Variants in NUP107 observed in about 807,000 individuals in gnomAD.
NUP107 encodes the protein nuclear pore complex protein Nup107.
NUP107 carries 101 observed loss-of-function variants against 141.0 expected under a neutral mutation model. The observed-to-expected ratio is 0.72, with a 90% CI of 0.61 to 0.84. The LOEUF is 0.84. Ranked by LOEUF, NUP107 falls within the 40% of genes least tolerant of loss-of-function variation. The pLI, the probability that NUP107 is intolerant of heterozygous loss-of-function variation, is 0.00. For missense variants in NUP107, 941 were observed against 1,102.7 expected (o/e 0.85, Z 2.08); for synonymous variants, 319 against 363.9 (o/e 0.88, Z 1.41).
intron 26 of NUP107, among the ~76,000 whole-genome samples, chr12:68,737,307 G>A (rs1399486963): frequency 6.6e-6 from 1 of 152,148 alleles, no homozygotes; most frequent in Non-Finnish European, 1.5e-5. Context: ...GCTCACGCCT[G>A]TACTCCTAGC....
intron 22 of NUP107, 98 bp from the exon 23 acceptor site, chr12:68,732,539 T>C (rs1221578431): frequency 1.8e-6 from 1 of 570,630 alleles, no homozygotes; most frequent in Non-Finnish European, 3.0e-6. Flanking sequence ...TGATGTTTAC[T>C]GGAAGTACAG....
At chr12:68,689,779 G>T in intron 3 of NUP107, 160 bp downstream of exon 3, 1 of 565,964 alleles carries the variant, frequency 1.8e-6, no homozygotes. Context: ...CCATGTACAA[G>T]GTACTGTACT....
chr12:68,736,776 G>A (rs1404619818), intron 26 of NUP107, among the ~76,000 whole-genome samples: 3 of 144,332 alleles, frequency 2.1e-5, no homozygotes, highest in African/African-American at 7.8e-5. Flanking sequence ...AGGCTGGAGT[G>A]CAATGGCACA....
At chr12:68,711,581 A>G (rs942945563) in intron 10 of NUP107, among the ~76,000 whole-genome samples, 2 of 151,876 alleles carry the variant, frequency 1.3e-5, no homozygotes, top group African/African-American at 4.8e-5. Flanking sequence ...TACGACAGGG[A>G]GTCCTACTTT....
Position 68,721,165 on chromosome 12 carries a change from G to T in NUP107, c.1299G>T (p.Gly433=). The T allele has an allele frequency of 1.2e-6, 2 of 1,606,854 alleles. No individual in the cohort carries two copies. Among genetic ancestry groups the T allele is most frequent in the South Asian group, 1.1e-5 (1 of 90,404 alleles). Residue 433 remains glycine, a synonymous_variant, in exon 15 of 28, where the codon GGG becomes GGT. Coordinates refer to ENST00000229179, the MANE Select transcript of NUP107 (RefSeq NM_020401.4). ...YERAIYAALS[G]NLKQLLPVCD... Reference sequence around the variant, plus strand: ...GAGCAATTTATGCAGCTTTAAGTGGGAATCTTAAGCAGGTATGCAATCTGT... The same window carrying T: ...GAGCAATTTATGCAGCTTTAAGTGGTAATCTTAAGCAGGTATGCAATCTGT...
At chr12:68,727,019 G>T (rs1416822543) in intron 19 of NUP107, among the ~76,000 whole-genome samples, 1 of 152,188 alleles carries the variant, frequency 6.6e-6, no homozygotes, top group Non-Finnish European at 1.5e-5. Context: ...TGATACAGTA[G>T]TTGAAAGCTT....
chr12:68,721,169 C>A lies in NUP107; in HGVS notation c.1303C>A (p.Leu435Ile). Residue 435 changes from leucine (L) to isoleucine (I), a missense_variant, in exon 15 of 28, where the codon CTT becomes ATT. Transcript: ENST00000229179. ...RAIYAALSGNLKQLLPVCDTW... is the reference protein window; with the variant it reads ...RAIYAALSGNIKQLLPVCDTW... ...AATTTATGCAGCTTTAAGTGGGAATCTTAAGCAGGTATGCAATCTGTTTTA... is the reference window on the plus strand; with the variant it reads ...AATTTATGCAGCTTTAAGTGGGAATATTAAGCAGGTATGCAATCTGTTTTA... 6.2e-7 allele frequency: 1 copy of A among 1,605,566 alleles called. No homozygotes were observed. Among genetic ancestry groups the A allele is most frequent in the Non-Finnish European group, 8.5e-7 (1 of 1,173,720 alleles).
intron 26 of NUP107, among the ~76,000 whole-genome samples, chr12:68,738,922 C>A (rs976310857): frequency 6.6e-6 from 1 of 152,060 alleles, no homozygotes; most frequent in Admixed American, 6.6e-5. Flanking sequence ...GGAATAAAAT[C>A]TTTCTTTTCT....
intron 10 of NUP107, among the ~76,000 whole-genome samples, chr12:68,712,241 G>A (rs905618475): frequency 6.6e-6 from 1 of 151,954 alleles, no homozygotes; most frequent in Non-Finnish European, 1.5e-5. Flanking sequence ...CTAGCACTTT[G>A]GGAGGCCAAG....
At chr12:68,739,476 G>A (rs909331603) in intron 26 of NUP107, among the ~76,000 whole-genome samples, 1 of 152,180 alleles carries the variant, frequency 6.6e-6, no homozygotes, top group Admixed American at 6.5e-5. Context: ...ATTAGGAATA[G>A]CTGTAATATC....
chr12:68,729,241 G>T (rs1469465479), intron 20 of NUP107, among the ~76,000 whole-genome samples: 1 of 152,102 alleles, frequency 6.6e-6, no homozygotes, highest in Non-Finnish European at 1.5e-5. Context: ...ACAGTTAGTT[G>T]TATGCAGTTA....
chr12:68,696,044 T>G (rs900559752), intron 5 of NUP107, among the ~76,000 whole-genome samples: 1 of 151,410 alleles, frequency 6.6e-6, no homozygotes. Flanking sequence ...TAAGATAAAT[T>G]TTATATTATG....
chr12:68,722,237 G>A, intron 17 of NUP107, 85 bp downstream of exon 17: 5 of 1,094,698 alleles, frequency 4.6e-6, no homozygotes, highest in South Asian at 1.7e-5. Context: ...GGAAAAAGGT[G>A]GAACTTTCTC....
At chr12:68,694,718 G>A (rs2701087) in intron 5 of NUP107, among the ~76,000 whole-genome samples, 89,374 of 152,010 alleles carry the variant, frequency 0.59, 26,330 homozygotes, top group South Asian at 0.77. Context: ...CCTGACCAAT[G>A]TGGAGAAACC....
intron 6 of NUP107, among the ~76,000 whole-genome samples, chr12:68,698,575 T>C (rs754262064): frequency 2.0e-5 from 3 of 152,168 alleles, no homozygotes; most frequent in Admixed American, 6.5e-5. Flanking sequence ...AATAAACTGG[T>C]ACATCTGAGC....
At chr12:68,697,516 A>G (rs935193714) in intron 6 of NUP107, among the ~76,000 whole-genome samples, 2 of 152,104 alleles carry the variant, frequency 1.3e-5, no homozygotes, top group African/African-American at 2.4e-5. Context: ...TGGCTAATGT[A>G]TGCTGGGTTT....
chr12:68,732,606 C>A, intron 22 of NUP107, 31 bp from the exon 23 acceptor site: 1 of 1,388,522 alleles, frequency 7.2e-7, no homozygotes, highest in Non-Finnish European at 1.0e-6. Flanking sequence ...CTCTGATATT[C>A]CTTTTTCTTT....
chr12:68,721,882 C>T lies in NUP107; in HGVS notation c.1353C>T (p.Ala451=), dbSNP rs1479150188. The part of the protein sequence containing the change: ...VCDTWEDTVW[A]YFRVMVDSLV... ...ACACCTGGGAAGACACAGTTTGGGC[C>T]TACTTCCGGGTGATGGTGGACAGTC... Residue 451 remains alanine (A), a synonymous_variant, in exon 16 of 28, where the codon GCC becomes GCT. Coordinates refer to ENST00000229179, the MANE Select transcript of NUP107 (RefSeq NM_020401.4). The T allele has an allele frequency of 1.2e-6, 2 of 1,614,044 alleles. No individual in the cohort carries two copies. Among genetic ancestry groups the T allele is most frequent in the Admixed American group, 1.7e-5 (1 of 59,992 alleles).
rs114477100 is a variant in NUP107, at chr12:68,695,219, C to T, written c.449-1600C>T. 6.2e-3 allele frequency among the ~76,000 whole-genome samples: 945 copies of T among 152,236 alleles called. 4 individuals are homozygous for T. The highest frequency in any genetic ancestry group is 0.017 in the African/African-American group (718 of 41,544). On this transcript the variant is annotated intron_variant, in intron 5 of 27. Transcript: ENST00000229179. Reference sequence around the variant, plus strand: ...TATGGAAAACAGTATGGCAGTTCCTCAAAAAATTAAAAATAGAATTACCAT... The same window carrying T: ...TATGGAAAACAGTATGGCAGTTCCTTAAAAAATTAAAAATAGAATTACCAT...
Sources: gnomAD v4.1 joint callset for allele counts (sites outside exome capture counted in the v4.1 genomes callset) on GRCh38, gnomAD v4.1.1 for gene constraint, MANE v1.5 for transcripts, NCBI Gene and HGNC (gene_info 2026-07-23, HGNC 2026-07-21) for gene names.